The following DPH5 variants were observed in gnomAD, a reference collection of about 807,000 sequenced individuals.
The protein encoded by DPH5 is diphthamide biosynthesis 5.
Under a neutral mutation model 31.6 loss-of-function variants are expected in DPH5, and 31 were observed. The observed-to-expected ratio is 0.98, with a 90% CI of 0.74 to 1.32. The LOEUF (loss-of-function observed/expected upper bound fraction) is 1.32. DPH5 is among the 40% of genes most tolerant of loss of function. The pLI is 0.00. For missense variants in DPH5, 309 were observed against 335.7 expected (o/e 0.92, Z 0.62); for synonymous variants, 120 against 115.0 (o/e 1.04, Z -0.28).
rs763234652 is a variant in DPH5, at chr1:100,990,447, TG to T, written c.818del (p.Pro273GlnfsTer55). ...EMEMLSLFSI[P>X]ENSSESQSIN... ...TGCTTTGAGATTCTGAGCTATTTTCTGGTATGGAAAACAGACTTAGCATCTC... is the reference window on the plus strand; with the variant it reads ...TGCTTTGAGATTCTGAGCTATTTTCTGTATGGAAAACAGACTTAGCATCTC... On this transcript the variant is annotated frameshift_variant, in exon 8 of 8. Transcript: ENST00000370109. LOFTEE classifies it low-confidence loss of function (END_TRUNC). The T allele has an allele frequency of 1.9e-5, 30 of 1,614,148 alleles. No homozygotes were observed. Among genetic ancestry groups the T allele is most frequent in the Non-Finnish European group, 2.5e-5 (29 of 1,179,986 alleles).
At chr1:101,025,511 C>A in intron 1 of DPH5, 45 bp from the exon 2 acceptor site, 1 of 1,582,610 alleles carries the variant, frequency 6.3e-7, no homozygotes, top group Non-Finnish European at 8.6e-7. Flanking sequence ...ACACCGAGGA[C>A]ATCTAAAATC....
rs185230773 is a variant in DPH5 at position 100,997,270 on chromosome 1, G to A, written c.491-2121C>T. Among the ~76,000 whole-genome samples, 784 of 152,322 alleles carry A rather than the reference G, an allele frequency of 5.1e-3. 5 individuals are homozygous for A. Among genetic ancestry groups the A allele is most frequent in the Non-Finnish European group, 8.2e-3 (557 of 68,028 alleles). On this transcript the variant is annotated intron_variant, in intron 5 of 7. Transcript: ENST00000370109. ...CCAAAAGAAACTAACTCTACATGGG[G>A]CATAGGGTAAGCACTCAATAAATAC... is the stretch of plus-strand genomic sequence containing the variant.
chr1:101,013,710 C>T lies in DPH5; in HGVS notation c.369G>A (p.Gln123=). The T allele has an allele frequency of 6.3e-7, 1 of 1,579,806 alleles. No homozygotes were observed. Among genetic ancestry groups the T allele is most frequent in the South Asian group, 1.2e-5 (1 of 85,712 alleles). ...TGAAAAACCTCCTTTGTTGCATTAC[C>T]TGTAAACCACAGCAGCCTACAGCAT... ...IMNAVGCCGL[Q]LYKFGETVSI... Residue 123 remains glutamine (Q), a splice_region_variant and synonymous_variant, in exon 4 of 8, where the codon CAG becomes CAA. Coordinates refer to ENST00000370109, the MANE Select transcript of DPH5 (RefSeq NM_015958.3).
At chr1:100,994,286 A>C (rs1658127011) in intron 6 of DPH5, among the ~76,000 whole-genome samples, 2 of 152,160 alleles carry the variant, frequency 1.3e-5, no homozygotes. Context: ...CATACTTAAA[A>C]GTTTTCCAAT....
intron 3 of DPH5, among the ~76,000 whole-genome samples, chr1:101,017,198 A>C (rs749921341): frequency 2.0e-5 from 3 of 152,240 alleles, no homozygotes; most frequent in Non-Finnish European, 2.9e-5. Flanking sequence ...TTCAATTTTT[A>C]AAAAATGCAA....
intron 4 of DPH5, among the ~76,000 whole-genome samples, chr1:101,008,428 CTG>C (rs1410276684): frequency 1.3e-5 from 2 of 152,242 alleles, no homozygotes; most frequent in East Asian, 3.8e-4. Context: ...GTAAAGTAAT[CTG>C]AGATCCAGAG....
chr1:101,005,976 G>T (rs1659202475), intron 4 of DPH5, among the ~76,000 whole-genome samples: 1 of 152,162 alleles, frequency 6.6e-6, no homozygotes, highest in African/African-American at 2.4e-5. Flanking sequence ...GTTCTCACAA[G>T]ATCTGATGGT....
chr1:101,011,131 G>A (rs759454431), intron 4 of DPH5, among the ~76,000 whole-genome samples: 4 of 152,146 alleles, frequency 2.6e-5, no homozygotes, highest in African/African-American at 9.7e-5. Context: ...GCTATTATAA[G>A]GAAGAAGACT....
chr1:101,014,384 T>C (rs974694380), intron 3 of DPH5, among the ~76,000 whole-genome samples: 1 of 152,254 alleles, frequency 6.6e-6, no homozygotes, highest in African/African-American at 2.4e-5. Context: ...TTTGGTTTCT[T>C]AGTGCATATA....
At chr1:101,003,126 C>T (rs1240518410) in intron 4 of DPH5, among the ~76,000 whole-genome samples, 1 of 152,184 alleles carries the variant, frequency 6.6e-6, no homozygotes, top group African/African-American at 2.4e-5. Context: ...CAATCAAATT[C>T]ACAGGTCAGT....
At chr1:101,006,945 C>G (rs1391626726) in intron 4 of DPH5, among the ~76,000 whole-genome samples, 1 of 152,188 alleles carries the variant, frequency 6.6e-6, no homozygotes, top group Non-Finnish European at 1.5e-5. Context: ...CAGTTTTTAT[C>G]TGAAATCATT....
At chr1:101,024,955 C>A in intron 2 of DPH5, 1 of 208,568 alleles carries the variant, frequency 4.8e-6, no homozygotes, top group South Asian at 8.2e-5. Flanking sequence ...ATAACCAACT[C>A]ATTAAGGCTG....
At chr1:101,025,261 T>A in intron 2 of DPH5, 48 bp downstream of exon 2, 1 of 1,605,810 alleles carries the variant, frequency 6.2e-7, no homozygotes. Flanking sequence ...GAAAATCAGA[T>A]GTTAGATAGC....
At position 100,996,498 on chromosome 1, in the gene DPH5, CCTCT is replaced by C. The variant is rs147197874; in HGVS notation, c.491-1353_491-1350del. On this transcript the variant is annotated intron_variant, in intron 5 of 7. Transcript: ENST00000370109. ...TGTCTTCACACAGTCCATAATTATT[CCTCT>C]CTATTTCTACTTGCTAGAATGTAAG... 6.9e-4 allele frequency among the ~76,000 whole-genome samples: 105 copies of C among 152,248 alleles called. No individual in the cohort carries two copies. The East Asian group carries it at 0.019, about 28-fold the overall frequency.
chr1:100,991,604 T>C (rs569552264), intron 7 of DPH5, among the ~76,000 whole-genome samples: 34 of 151,898 alleles, frequency 2.2e-4, no homozygotes, highest in Admixed American at 3.9e-4. Context: ...CTGGGCAACA[T>C]GGTGAAACCC....
intron 3 of DPH5, among the ~76,000 whole-genome samples, chr1:101,016,584 T>A (rs1242351977): frequency 2.6e-5 from 4 of 151,632 alleles, no homozygotes; most frequent in Non-Finnish European, 5.9e-5. Flanking sequence ...TAGCTGGGAT[T>A]ACAGGCACCC....
At chr1:101,010,255 T>A (rs1028414873) in intron 4 of DPH5, among the ~76,000 whole-genome samples, 1 of 152,218 alleles carries the variant, frequency 6.6e-6, no homozygotes, top group Non-Finnish European at 1.5e-5. Context: ...AAGCCTCTAA[T>A]ACACTTTTTA....
At chr1:101,012,090 G>A (rs557049191) in intron 4 of DPH5, among the ~76,000 whole-genome samples, 29 of 151,598 alleles carry the variant, frequency 1.9e-4, no homozygotes, top group African/African-American at 5.6e-4. Flanking sequence ...TAGTAGAGAC[G>A]GGGTTTCACC....
chr1:101,016,235 T>G (rs1444291829), intron 3 of DPH5, among the ~76,000 whole-genome samples: 1 of 151,598 alleles, frequency 6.6e-6, no homozygotes, highest in Non-Finnish European at 1.5e-5. Context: ...GCGCCTGTAG[T>G]CCCAGCTACT....
Sources: allele counts gnomAD v4.1 joint callset (sites outside exome capture counted in the v4.1 genomes callset), GRCh38; gene constraint gnomAD v4.1.1; transcripts MANE v1.5; gene names NCBI Gene and HGNC (gene_info 2026-07-23, HGNC 2026-07-21).